The following RHBDD1 variants were observed in gnomAD, a reference collection of about 807,000 sequenced individuals.
RHBDD1 encodes the protein rhomboid domain containing 1.
In RHBDD1, 38 loss-of-function variants were observed where a neutral mutation model predicts 36.3. The observed-to-expected ratio is 1.05, with a 90% CI of 0.81 to 1.37. RHBDD1 has a LOEUF of 1.37. Among genes scored for constraint, RHBDD1 ranks in the 40% most tolerant of loss-of-function variants. The pLI, the probability that RHBDD1 is intolerant of heterozygous loss-of-function variation, is 0.00. For missense variants in RHBDD1, 393 were observed against 377.6 expected (o/e 1.04, Z -0.34); for synonymous variants, 151 against 136.5 (o/e 1.11, Z -0.74).
chr2:226,816,375 CAAAAAA>C, the RHBDD1 span, among the ~76,000 whole-genome samples: 4 of 64,956 alleles, frequency 6.2e-5, no homozygotes, highest in South Asian at 5.9e-4. Context: ...GGAATGGTGG[CAAAAAA>C]AAAAAAAAAA....
At chr2:226,901,378 A>T (rs540905034) in intron 5 of RHBDD1, among the ~76,000 whole-genome samples, 1 of 152,214 alleles carries the variant, frequency 6.6e-6, no homozygotes, top group Non-Finnish European at 1.5e-5. Context: ...TACTAATTTC[A>T]GTTCCTTTGG....
intron 8 of RHBDD1, among the ~76,000 whole-genome samples, chr2:226,931,679 C>A (rs556292560): frequency 2.1e-4 from 32 of 152,168 alleles, no homozygotes; most frequent in African/African-American, 7.7e-4. Flanking sequence ...TCTGGACTTT[C>A]TGTATTTTTT....
intron 8 of RHBDD1, among the ~76,000 whole-genome samples, chr2:226,977,281 T>G (rs578203194): frequency 6.6e-6 from 1 of 152,176 alleles, no homozygotes; most frequent in Non-Finnish European, 1.5e-5. Context: ...CTTGCCTTCA[T>G]GACTGCCGCC....
chr2:226,820,760 C>T, the RHBDD1 span, among the ~76,000 whole-genome samples: 7 of 151,932 alleles, frequency 4.6e-5, no homozygotes, highest in South Asian at 1.3e-3. Flanking sequence ...GTTTACGCCA[C>T]TGCACTCCAG....
chr2:226,885,490 T>G (rs1946130181), intron 5 of RHBDD1, among the ~76,000 whole-genome samples: 1 of 152,080 alleles, frequency 6.6e-6, no homozygotes, highest in Non-Finnish European at 1.5e-5. Flanking sequence ...ATTAAAATGG[T>G]ATTGTCAGAG....
At chr2:226,871,428 T>C (rs1944789994) in intron 5 of RHBDD1, among the ~76,000 whole-genome samples, 1 of 152,200 alleles carries the variant, frequency 6.6e-6, no homozygotes, top group Non-Finnish European at 1.5e-5. Context: ...CTTAATGTTG[T>C]TTAGTAATTG....
chr2:226,833,645 A>G (rs982029220), upstream of RHBDD1, among the ~76,000 whole-genome samples: 1 of 152,180 alleles, frequency 6.6e-6, no homozygotes, highest in Non-Finnish European at 1.5e-5. Context: ...GCCTCGTCTC[A>G]TGATTAAGAT....
chr2:226,836,863 C>T (rs1488245702), intron 1 of RHBDD1, among the ~76,000 whole-genome samples: 1 of 152,158 alleles, frequency 6.6e-6, no homozygotes, highest in Non-Finnish European at 1.5e-5. Context: ...TTAAAGGCTT[C>T]TGGTTTGCTG....
At chr2:226,807,377 G>T in the RHBDD1 span, 1 of 151,988 alleles carries the variant, frequency 6.6e-6, no homozygotes, top group African/African-American at 2.4e-5. Flanking sequence ...TGCTTACCAG[G>T]AATTTAAATT....
the RHBDD1 span, among the ~76,000 whole-genome samples, chr2:226,821,558 T>C: frequency 6.6e-6 from 1 of 151,798 alleles, no homozygotes. Flanking sequence ...TTAGGAGTTT[T>C]ATTTGTTCAG....
intron 5 of RHBDD1, among the ~76,000 whole-genome samples, chr2:226,881,979 A>G (rs1166793461): frequency 1.3e-5 from 2 of 152,216 alleles, no homozygotes; most frequent in Non-Finnish European, 1.5e-5. Flanking sequence ...ATTAGATTTT[A>G]TATAGTAATA....
chr2:226,892,836 C>A (rs1265266767), intron 5 of RHBDD1, among the ~76,000 whole-genome samples: 1 of 152,052 alleles, frequency 6.6e-6, no homozygotes, highest in Non-Finnish European at 1.5e-5. Flanking sequence ...TCAAAAAAAT[C>A]ACTAAACAGA....
intron 8 of RHBDD1, among the ~76,000 whole-genome samples, chr2:226,959,460 A>G (rs529957781): frequency 2.6e-5 from 4 of 152,110 alleles, no homozygotes; most frequent in Non-Finnish European, 4.4e-5. Flanking sequence ...TTCTGTCTCT[A>G]TGGTTTAGTT....
At chr2:226,915,187 G>A (rs934024946) in intron 8 of RHBDD1, among the ~76,000 whole-genome samples, 6 of 152,052 alleles carry the variant, frequency 3.9e-5, no homozygotes, top group African/African-American at 1.4e-4. Context: ...GGGAGAAGAT[G>A]GTGAGCTTTT....
chr2:226,870,124 A>G (rs1382926000), intron 5 of RHBDD1, among the ~76,000 whole-genome samples: 2 of 152,164 alleles, frequency 1.3e-5, no homozygotes, highest in African/African-American at 4.8e-5. Flanking sequence ...AGAGCGGTTG[A>G]ATGTGACAGG....
At chr2:226,926,157 A>G (rs909207717) in intron 8 of RHBDD1, among the ~76,000 whole-genome samples, 1 of 151,742 alleles carries the variant, frequency 6.6e-6, no homozygotes, top group Non-Finnish European at 1.5e-5. Flanking sequence ...AGGCGGGTGG[A>G]TCATGATGTC....
chr2:226,901,467 T>C lies in RHBDD1; in HGVS notation c.567-5326T>C, dbSNP rs530817544. ...TTTGTAAGGAACCTCTGTATTGTTTTCTATAATAGCTGAACCAATTTACAT... is the reference window on the plus strand; with the variant it reads ...TTTGTAAGGAACCTCTGTATTGTTTCCTATAATAGCTGAACCAATTTACAT... On this transcript the variant is annotated intron_variant, in intron 5 of 8. Transcript: ENST00000392062. Among the ~76,000 whole-genome samples the C allele has an allele frequency of 2.6e-5, 4 of 152,362 alleles. No individual in the cohort carries two copies. In the East Asian group the frequency reaches 7.7e-4, roughly 29 times the overall value.
intron 8 of RHBDD1, among the ~76,000 whole-genome samples, chr2:226,952,268 G>GT (rs1300172082): frequency 2.4e-4 from 31 of 130,988 alleles, no homozygotes; most frequent in Admixed American, 1.1e-3. Context: ...GGTGCTTCCT[G>GT]TTTTTTTTGT....
chr2:226,902,444 T>C (rs1258289077), intron 5 of RHBDD1, among the ~76,000 whole-genome samples: 1 of 152,196 alleles, frequency 6.6e-6, no homozygotes, highest in African/African-American at 2.4e-5. Context: ...GTTTTCTCCC[T>C]GTCTGCAGGT....
Sources: gnomAD v4.1 joint callset for allele counts (sites outside exome capture counted in the v4.1 genomes callset) on GRCh38, gnomAD v4.1.1 for gene constraint, MANE v1.5 for transcripts, NCBI Gene and HGNC (gene_info 2026-07-23, HGNC 2026-07-21) for gene names.